The following ZBTB20 variants were observed in gnomAD, a reference collection of about 807,000 sequenced individuals.
ZBTB20 encodes the protein zinc finger and BTB domain-containing protein 20.
In ZBTB20, 9 loss-of-function variants were observed where a neutral mutation model predicts 56.9. The observed-to-expected ratio is 0.16, with a 90% CI of 0.10 to 0.28. The LOEUF is 0.28. Ranked by LOEUF, ZBTB20 falls within the 10% of genes least tolerant of loss-of-function variation. The probability of loss-of-function intolerance (pLI) is 1.00; values close to 1 mark genes in which losing one functional copy is unlikely to be tolerated. For missense variants in ZBTB20, 655 were observed against 1,003.0 expected (o/e 0.65, Z 4.69); for synonymous variants, 417 against 420.7 (o/e 0.99, Z 0.11).
Position 114,748,314 on chromosome 3 carries a change from CT to C in ZBTB20, c.-343+52786del, listed in dbSNP as rs201097439. Reference sequence around the variant, plus strand: ...TCTTTCTTTCTTTCTTTCTTTCTTTCTTTCTTTCTTTCTTTCTTTCTTCTTT... The same window carrying C: ...TCTTTCTTTCTTTCTTTCTTTCTTTCTTCTTTCTTTCTTTCTTTCTTCTTT... On this transcript the variant is annotated intron_variant, in intron 5 of 11. Transcript: ENST00000675478. Among the ~76,000 whole-genome samples, 686 of 127,220 alleles carry C rather than the reference CT, an allele frequency of 5.4e-3. 2 individuals are homozygous for C. Among genetic ancestry groups the C allele is most frequent in the South Asian group, 9.9e-3 (37 of 3,750 alleles). 83.5% of individuals were successfully genotyped at this position (127,220 alleles called of 152,430 possible). A position where few individuals can be genotyped will look rare whatever the true frequency, so the allele number is the denominator to read the frequency against.
At chr3:114,466,068 G>A (rs1180301884) in intron 7 of ZBTB20, among the ~76,000 whole-genome samples, 5 of 151,728 alleles carry the variant, frequency 3.3e-5, no homozygotes, top group Admixed American at 3.3e-4. Flanking sequence ...CTACAGGCCA[G>A]GACTAGATAC....
At chr3:114,956,109 A>G (rs2077238199) in intron 3 of ZBTB20, among the ~76,000 whole-genome samples, 1 of 152,212 alleles carries the variant, frequency 6.6e-6, no homozygotes, top group Non-Finnish European at 1.5e-5. Context: ...TATTGACAAA[A>G]GTATGCAAAA....
At chr3:115,097,385 T>G (rs1221493643) in intron 1 of ZBTB20, among the ~76,000 whole-genome samples, 1 of 151,974 alleles carries the variant, frequency 6.6e-6, no homozygotes, top group Non-Finnish European at 1.5e-5. Flanking sequence ...GGTTTCACCA[T>G]GTTGGCCAGG....
At chr3:115,096,721 C>T (rs926603009) in intron 1 of ZBTB20, among the ~76,000 whole-genome samples, 1 of 152,178 alleles carries the variant, frequency 6.6e-6, no homozygotes, top group Non-Finnish European at 1.5e-5. Flanking sequence ...CATGACCGGC[C>T]ACTGCTTAGA....
intron 6 of ZBTB20, among the ~76,000 whole-genome samples, chr3:114,541,128 T>C (rs2049062394): frequency 6.6e-6 from 1 of 152,114 alleles, no homozygotes; most frequent in African/African-American, 2.4e-5. Flanking sequence ...AAATGCCCTT[T>C]TGATTATTTT....
chr3:114,344,426 C>T (rs1458298949), intron 11 of ZBTB20, among the ~76,000 whole-genome samples: 1 of 152,210 alleles, frequency 6.6e-6, no homozygotes. Flanking sequence ...TTATCTTCCT[C>T]TCCCTTGTTA....
At chr3:114,945,259 T>G (rs1452730513) in intron 3 of ZBTB20, among the ~76,000 whole-genome samples, 1 of 145,496 alleles carries the variant, frequency 6.9e-6, no homozygotes, top group Non-Finnish European at 1.5e-5. Flanking sequence ...CACCGAAAGA[T>G]TCATACTATA....
intron 3 of ZBTB20, among the ~76,000 whole-genome samples, chr3:114,967,029 G>A (rs1429648966): frequency 6.6e-6 from 1 of 152,042 alleles, no homozygotes; most frequent in Non-Finnish European, 1.5e-5. Flanking sequence ...TTTTAACCTA[G>A]AGAATAATTT....
chr3:114,424,820 T>C (rs1039185187), intron 7 of ZBTB20, among the ~76,000 whole-genome samples: 3 of 152,194 alleles, frequency 2.0e-5, no homozygotes, highest in Non-Finnish European at 4.4e-5. Context: ...TACCATGGCA[T>C]TGACCAAGTC....
chr3:114,927,884 A>C (rs1301601673), intron 3 of ZBTB20, among the ~76,000 whole-genome samples: 1 of 152,256 alleles, frequency 6.6e-6, no homozygotes, highest in African/African-American at 2.4e-5. Flanking sequence ...CTCAGTAAGA[A>C]TATAATCTCT....
At chr3:114,610,854 C>T (rs1023903038) in intron 6 of ZBTB20, among the ~76,000 whole-genome samples, 19 of 152,080 alleles carry the variant, frequency 1.2e-4, no homozygotes, top group Admixed American at 4.6e-4. Context: ...AAAAATGGGG[C>T]ACTTGCCGTA....
chr3:114,458,085 G>A (rs943926541), intron 7 of ZBTB20, among the ~76,000 whole-genome samples: 1 of 152,130 alleles, frequency 6.6e-6, no homozygotes, highest in African/African-American at 2.4e-5. Context: ...GTCCCTGCAT[G>A]GTGCTGAAAA....
intron 6 of ZBTB20, among the ~76,000 whole-genome samples, chr3:114,589,748 C>T (rs1012206027): frequency 1.3e-5 from 2 of 152,170 alleles, no homozygotes. Context: ...CACTCTTTAG[C>T]AACAGAAACA....
At chr3:114,461,929 A>G (rs946137194) in intron 7 of ZBTB20, among the ~76,000 whole-genome samples, 1 of 152,230 alleles carries the variant, frequency 6.6e-6, no homozygotes, top group Non-Finnish European at 1.5e-5. Context: ...GAGTGAGATC[A>G]CCTGCTAATC....
At chr3:115,061,712 T>C (rs2082016642) in intron 2 of ZBTB20, among the ~76,000 whole-genome samples, 1 of 152,198 alleles carries the variant, frequency 6.6e-6, no homozygotes, top group Non-Finnish European at 1.5e-5. Flanking sequence ...TAGAGTGTTC[T>C]TGTACACACA....
intron 6 of ZBTB20, among the ~76,000 whole-genome samples, chr3:114,690,573 T>C (rs1226261541): frequency 3.3e-5 from 5 of 152,150 alleles, no homozygotes; most frequent in African/African-American, 7.2e-5. Flanking sequence ...AGCTGGCTCA[T>C]AGAGGGTTCT....
chr3:114,517,101 A>G (rs904090147), intron 6 of ZBTB20, among the ~76,000 whole-genome samples: 2 of 152,220 alleles, frequency 1.3e-5, no homozygotes, highest in African/African-American at 4.8e-5. Context: ...TAAGAACTTC[A>G]TCACGTTACT....
intron 5 of ZBTB20, among the ~76,000 whole-genome samples, chr3:114,730,479 A>T (rs1413567027): frequency 6.6e-6 from 1 of 152,172 alleles, no homozygotes; most frequent in Non-Finnish European, 1.5e-5. Flanking sequence ...AGCTCCTACC[A>T]ACTGTATTTG....
chr3:114,929,344 G>C (rs753546464), intron 3 of ZBTB20, among the ~76,000 whole-genome samples: 2 of 152,180 alleles, frequency 1.3e-5, no homozygotes, highest in Non-Finnish European at 2.9e-5. Flanking sequence ...TGGAAAATAG[G>C]GTCCAACTAC....
Sources: allele counts gnomAD v4.1 joint callset (sites outside exome capture counted in the v4.1 genomes callset), GRCh38; gene constraint gnomAD v4.1.1; transcripts MANE v1.5; gene names NCBI Gene and HGNC (gene_info 2026-07-23, HGNC 2026-07-21).